Variants in PRKCQ observed in about 807,000 individuals in gnomAD.
The protein encoded by PRKCQ is protein kinase C theta type.
A neutral mutation model predicts 91.2 loss-of-function variants in PRKCQ; 41 were observed. That is an observed-to-expected ratio of 0.45 (90% CI 0.35 to 0.58). PRKCQ has a LOEUF of 0.58. Ranked by LOEUF, PRKCQ falls within the 20% of genes least tolerant of loss-of-function variation. The pLI is 0.00. For synonymous variants in PRKCQ, 307 were observed against 316.9 expected (o/e 0.97, Z 0.33); for missense variants, 673 against 896.5 (o/e 0.75, Z 3.18).
chr10:6,539,128 G>A (rs551253165), intron 1 of PRKCQ, among the ~76,000 whole-genome samples: 1 of 152,294 alleles, frequency 6.6e-6, no homozygotes, highest in Non-Finnish European at 1.5e-5. Context: ...AAACCTTGGT[G>A]ACTGTAATCC....
chr10:6,419,865 T>C, the PRKCQ span, among the ~76,000 whole-genome samples: 1 of 152,028 alleles, frequency 6.6e-6, no homozygotes, highest in African/African-American at 2.4e-5. Flanking sequence ...ATTTTTGTAT[T>C]TTTAGTAGAG....
At chr10:6,446,241 G>A (rs1834286578) in intron 15 of PRKCQ, among the ~76,000 whole-genome samples, 1 of 151,962 alleles carries the variant, frequency 6.6e-6, no homozygotes, top group Admixed American at 6.6e-5. Context: ...TAGTTAGTGA[G>A]CTGAGAGCAA....
At chr10:6,524,749 G>A (rs1226052401) in intron 1 of PRKCQ, among the ~76,000 whole-genome samples, 2 of 152,216 alleles carry the variant, frequency 1.3e-5, no homozygotes, top group Non-Finnish European at 2.9e-5. Flanking sequence ...AGAAAAGTGG[G>A]TGAGGAGGGA....
intron 1 of PRKCQ, among the ~76,000 whole-genome samples, chr10:6,545,548 G>A (rs1200506876): frequency 9.2e-5 from 14 of 152,234 alleles, no homozygotes; most frequent in Non-Finnish European, 1.9e-4. Context: ...CACATTCACA[G>A]ACACTGAGGG....
chr10:6,432,769 T>A (rs17155855), intron 16 of PRKCQ, among the ~76,000 whole-genome samples: 7,300 of 152,128 alleles, frequency 0.048, 264 homozygotes, highest in Middle Eastern at 0.13. Context: ...CACAGGACCT[T>A]CCATTTCCCA....
intron 1 of PRKCQ, among the ~76,000 whole-genome samples, chr10:6,550,488 G>T: frequency 6.6e-6 from 1 of 152,182 alleles, no homozygotes; most frequent in Middle Eastern, 3.2e-3. Context: ...TGGCCAGGCT[G>T]GTCTCAAACT....
At chr10:6,530,237 G>T (rs1270059527) in intron 1 of PRKCQ, among the ~76,000 whole-genome samples, 2 of 152,168 alleles carry the variant, frequency 1.3e-5, no homozygotes, top group African/African-American at 4.8e-5. Context: ...CATGAATAGA[G>T]ACATGGCTGG....
intron 15 of PRKCQ, among the ~76,000 whole-genome samples, chr10:6,446,925 A>C (rs1461843034): frequency 2.0e-5 from 3 of 152,192 alleles, no homozygotes; most frequent in Non-Finnish European, 4.4e-5. Context: ...AGAAGCTGGG[A>C]AGTCAGGTCT....
At chr10:6,473,032 A>G (rs1198885648) in intron 12 of PRKCQ, among the ~76,000 whole-genome samples, 2 of 152,098 alleles carry the variant, frequency 1.3e-5, no homozygotes. Flanking sequence ...CTTTTTAATT[A>G]ATGAATCTTG....
chr10:6,477,986 C>T (rs1443045236), intron 12 of PRKCQ, among the ~76,000 whole-genome samples: 3 of 152,168 alleles, frequency 2.0e-5, no homozygotes, highest in East Asian at 1.9e-4. Flanking sequence ...CTAATTAGTG[C>T]GGGTGGTGGA....
the PRKCQ span, among the ~76,000 whole-genome samples, chr10:6,421,589 C>G: frequency 1.3e-5 from 2 of 152,204 alleles, no homozygotes; most frequent in Non-Finnish European, 2.9e-5. The surrounding 1 kb of genome is among the most constrained non-coding windows in gnomAD (Gnocchi z 4.1). Context: ...TGGTACATTT[C>G]CATCACAGCA....
intron 8 of PRKCQ, among the ~76,000 whole-genome samples, chr10:6,486,637 A>G (rs80124998): frequency 0.027 from 4,128 of 152,312 alleles, 157 homozygotes; most frequent in African/African-American, 0.079. Context: ...CCGTTGGCCA[A>G]TGAAGCTGTT....
chr10:6,534,656 T>C (rs2130905551), intron 1 of PRKCQ, among the ~76,000 whole-genome samples: 1 of 151,852 alleles, frequency 6.6e-6, no homozygotes, highest in African/African-American at 2.4e-5. Context: ...AAATAAGATA[T>C]TGTTTAAATA....
chr10:6,549,925 C>G (rs1272017116), intron 1 of PRKCQ, among the ~76,000 whole-genome samples: 1 of 152,118 alleles, frequency 6.6e-6, no homozygotes, highest in Non-Finnish European at 1.5e-5. Context: ...AGCCACCGCG[C>G]CCGGCTGAAA....
At position 6,576,025 on chromosome 10, in the gene PRKCQ, CGA is replaced by C. The variant is rs1841221667; in HGVS notation, c.-10+4184_-10+4185del. Among the ~76,000 whole-genome samples, 1 of 152,080 alleles carries C rather than the reference CGA, an allele frequency of 6.6e-6. No individual in the cohort carries two copies. On this transcript the variant is annotated intron_variant, in intron 1 of 17. Coordinates refer to ENST00000263125, the MANE Select transcript of PRKCQ (RefSeq NM_006257.5). This position sits in a 1 kb window ranked among gnomAD's most constrained non-coding sequence, Gnocchi z 4.2. ...ACTGCACTCCAGCCTGGCGACACAG[CGA>C]GACTCCATCTCAAAAAACACAAAAC...
At chr10:6,411,233 T>C in the PRKCQ span, among the ~76,000 whole-genome samples, 5 of 152,226 alleles carry the variant, frequency 3.3e-5, no homozygotes, top group African/African-American at 1.2e-4. Context: ...AGGACAATCA[T>C]AGCCCCTCCC....
At chr10:6,406,341 G>C in the PRKCQ span, among the ~76,000 whole-genome samples, 1 of 149,174 alleles carries the variant, frequency 6.7e-6, no homozygotes, top group South Asian at 2.1e-4. Flanking sequence ...CATGACTAAA[G>C]TAGGAAAAAT....
At chr10:6,444,907 C>T (rs963713186) in intron 15 of PRKCQ, among the ~76,000 whole-genome samples, 2 of 151,740 alleles carry the variant, frequency 1.3e-5, no homozygotes, top group African/African-American at 4.8e-5. Context: ...GTGGATCACC[C>T]GAGGTCAGGA....
chr10:6,464,417 A>G lies in PRKCQ; in HGVS notation c.1354-13T>C. On this transcript the variant is annotated splice_polypyrimidine_tract_variant and intron_variant, in intron 12 of 17. Transcript: ENST00000263125. ...AAAAGAGGTTTTCCTGTGGAAAAAC[A>G]AAACAATTCCAACTTTTATTTCATT... is the stretch of plus-strand genomic sequence containing the variant. 6.4e-7 allele frequency: 1 copy of G among 1,564,840 alleles called. No individual in the cohort carries two copies. The highest frequency in any genetic ancestry group is 1.1e-5 in the South Asian group (1 of 88,234).
Sources: allele counts gnomAD v4.1 joint callset (sites outside exome capture counted in the v4.1 genomes callset), GRCh38; gene constraint gnomAD v4.1.1; non-coding constraint Gnocchi (gnomAD v3.1); transcripts MANE v1.5; gene names NCBI Gene and HGNC (gene_info 2026-07-23, HGNC 2026-07-21).